OR51B5: variants seen among roughly 807,000 people sequenced by gnomAD.
OR51B5 encodes the protein olfactory receptor 51B5.
For synonymous variants in OR51B5, 186 were observed against 144.8 expected (o/e 1.28, Z -2.04); for missense variants, 456 against 374.6 (o/e 1.22, Z -1.79).
chr11:5,396,299 G>A (rs531529154), intron 1 of OR51B5, among the ~76,000 whole-genome samples: 2 of 152,202 alleles, frequency 1.3e-5, no homozygotes, highest in Non-Finnish European at 2.9e-5. Flanking sequence ...TGCAGATGAC[G>A]TGATTGCATA....
At position 5,458,003 on chromosome 11, in the gene OR51B5, C is replaced by A. The variant is rs147175088; in HGVS notation, n.84+47566G>T. 2.0e-5 allele frequency among the ~76,000 whole-genome samples: 3 copies of A among 152,190 alleles called. No homozygotes were observed. In the East Asian group the frequency reaches 5.8e-4, roughly 29 times the overall value. On this transcript the variant is annotated intron_variant and non_coding_transcript_variant, in intron 1 of 4. Transcript: ENST00000415970. ...CTTGTATATTTTTGTTTTGTTGCAA[C>A]GGCTTTTGGAGATTTCATCATGAAA...
At chr11:5,340,809 C>T (rs1848881740), downstream of OR51B5, 1 of 151,954 alleles carries the variant, frequency 6.6e-6, no homozygotes, top group Non-Finnish European at 1.5e-5. Flanking sequence ...ATTAAATTTC[C>T]CCATCAAGAA....
intron 1 of OR51B5, among the ~76,000 whole-genome samples, chr11:5,376,520 G>A (rs914968508): frequency 6.6e-6 from 1 of 152,070 alleles, no homozygotes; most frequent in Non-Finnish European, 1.5e-5. Context: ...TAATGAATCT[G>A]GGAGCTGGTT....
chr11:5,434,650 T>C (rs1218337296), intron 1 of OR51B5, among the ~76,000 whole-genome samples: 3 of 152,168 alleles, frequency 2.0e-5, no homozygotes, highest in Non-Finnish European at 4.4e-5. Flanking sequence ...AAGAGGAACA[T>C]GCAGGACAGT....
intron 1 of OR51B5, among the ~76,000 whole-genome samples, chr11:5,376,874 C>T (rs1849536731): frequency 1.4e-5 from 2 of 147,560 alleles, no homozygotes; most frequent in Non-Finnish European, 3.0e-5. Flanking sequence ...CAAATTCTAA[C>T]AGAGGTACAA....
At chr11:5,418,431 A>G (rs1224390605) in intron 1 of OR51B5, among the ~76,000 whole-genome samples, 4 of 132,550 alleles carry the variant, frequency 3.0e-5, no homozygotes, top group Non-Finnish European at 7.3e-5. Flanking sequence ...ACAAAACAAA[A>G]CAAAAAGAAA....
intron 1 of OR51B5, among the ~76,000 whole-genome samples, chr11:5,370,187 A>T (rs1309383280): frequency 6.6e-6 from 1 of 152,200 alleles, no homozygotes; most frequent in African/African-American, 2.4e-5. Context: ...ATAATCATCA[A>T]TGTATTTATT....
chr11:5,393,610 G>A (rs1356494814), intron 1 of OR51B5, among the ~76,000 whole-genome samples: 1 of 152,136 alleles, frequency 6.6e-6, no homozygotes, highest in African/African-American at 2.4e-5. Flanking sequence ...TGACAATGAA[G>A]ATGATAATTA....
rs201566219 is a variant in OR51B5, at chr11:5,420,027, GCA to G, written n.85-73119_85-73118del. ...TTATAATCTTTTGAAAACAAATGTT[GCA>G]TATTTATTTTAGTTATGATAGGTGA... On this transcript the variant is annotated intron_variant and non_coding_transcript_variant, in intron 1 of 4. Transcript: ENST00000415970. Among the ~76,000 whole-genome samples, 447 of 46,426 alleles carry G rather than the reference GCA, an allele frequency of 9.6e-3. 3 individuals are homozygous for G. Among genetic ancestry groups the G allele is most frequent in the Admixed American group, 0.025 (88 of 3,492 alleles). The allele number at this position is 46,426 out of a possible 152,430, so 30.5% of individuals were successfully genotyped here. A position where few individuals can be genotyped will look rare whatever the true frequency, so the allele number is the denominator to read the frequency against.
At position 5,441,646 on chromosome 11, in the gene OR51B5, T is replaced by C. The variant is rs912821120; in HGVS notation, n.84+63923A>G. On this transcript the variant is annotated intron_variant and non_coding_transcript_variant, in intron 1 of 4. Transcript: ENST00000415970. ...ATTGCCTGTATTCCTGCCTTCCCAGTAAGACACTCATCTCTTTAAGGAAGC... is the reference window on the plus strand; with the variant it reads ...ATTGCCTGTATTCCTGCCTTCCCAGCAAGACACTCATCTCTTTAAGGAAGC... 5.9e-6 allele frequency: 4 copies of C among 681,536 alleles called. No individual in the cohort carries two copies. In the African/African-American group the frequency reaches 7.2e-5, roughly 12 times the overall value. The allele number at this position is 681,536 out of a possible 1,614,324, so 42.2% of individuals were successfully genotyped here. A position where few individuals can be genotyped will look rare whatever the true frequency, so the allele number is the denominator to read the frequency against.
intron 1 of OR51B5, among the ~76,000 whole-genome samples, chr11:5,376,196 C>T (rs1008319355): frequency 1.2e-4 from 18 of 151,896 alleles, no homozygotes; most frequent in Middle Eastern, 3.2e-3. Context: ...ACTGAACAAC[C>T]TGCTCCTGAA....
At chr11:5,505,252 T>C in intron 1 of OR51B5, 1 of 1,205,474 alleles carries the variant, frequency 8.3e-7, no homozygotes, top group Non-Finnish European at 1.1e-6. Context: ...GCTATTAGGT[T>C]TTTTGTTTTT....
At chr11:5,360,334 A>G (rs1430729272) in intron 1 of OR51B5, among the ~76,000 whole-genome samples, 1 of 152,110 alleles carries the variant, frequency 6.6e-6, no homozygotes, top group Non-Finnish European at 1.5e-5. Flanking sequence ...GGCAAAGGAT[A>G]TGAACAGACA....
At chr11:5,418,445 A>C (rs952666118) in intron 1 of OR51B5, among the ~76,000 whole-genome samples, 1 of 152,038 alleles carries the variant, frequency 6.6e-6, no homozygotes, top group African/African-American at 2.4e-5. Context: ...AAAGAAAAAC[A>C]AAACAAACAA....
intron 1 of OR51B5, among the ~76,000 whole-genome samples, chr11:5,466,721 G>A (rs1234353928): frequency 6.6e-6 from 1 of 152,226 alleles, no homozygotes; most frequent in Non-Finnish European, 1.5e-5. Context: ...GGCAATGGCA[G>A]AGTAGCTTTT....
At chr11:5,449,185 A>G (rs1233391976) in intron 1 of OR51B5, 1 of 152,246 alleles carries the variant, frequency 6.6e-6, no homozygotes, top group Admixed American at 6.5e-5. Flanking sequence ...CTTTATTCTC[A>G]GTAGTTATTA....
intron 1 of OR51B5, among the ~76,000 whole-genome samples, chr11:5,459,387 T>C (rs532220037): frequency 6.6e-6 from 1 of 152,288 alleles, no homozygotes; most frequent in East Asian, 1.9e-4. Flanking sequence ...TTTTCATCTA[T>C]TTTTATCAGG....
intron 1 of OR51B5, among the ~76,000 whole-genome samples, chr11:5,485,834 C>G (rs554003077): frequency 5.9e-5 from 9 of 152,196 alleles, no homozygotes; most frequent in Admixed American, 2.6e-4. Context: ...CTCCACACCC[C>G]CAAATTCATA....
At position 5,478,653 on chromosome 11, in the gene OR51B5, G is replaced by A. The variant is rs1193290126; in HGVS notation, n.84+26916C>T. On this transcript the variant is annotated intron_variant and non_coding_transcript_variant, in intron 1 of 4. Transcript: ENST00000415970. ...ATGTATAACTAGAATAACCAATACAGAGAAGTGCTTAAAGGAGCTGATGGA... is the reference window on the plus strand; with the variant it reads ...ATGTATAACTAGAATAACCAATACAAAGAAGTGCTTAAAGGAGCTGATGGA... Among the ~76,000 whole-genome samples, 3 of 150,828 alleles carry A rather than the reference G, an allele frequency of 2.0e-5. No individual in the cohort carries two copies. In the East Asian group the frequency reaches 5.8e-4, roughly 29 times the overall value.
Sources: gnomAD v4.1 joint callset for allele counts (sites outside exome capture counted in the v4.1 genomes callset) on GRCh38, gnomAD v4.1.1 for gene constraint, MANE v1.5 for transcripts, NCBI Gene and HGNC (gene_info 2026-07-23, HGNC 2026-07-21) for gene names.